Variants in CTNNA1 observed in about 807,000 individuals in gnomAD.
CTNNA1 encodes catenin alpha-1.
CTNNA1 carries 37 observed loss-of-function variants against 98.4 expected under a neutral mutation model. That is an observed-to-expected ratio of 0.38 (90% CI 0.29 to 0.49). The LOEUF (loss-of-function observed/expected upper bound fraction) is 0.49, where lower values mean the gene tolerates loss of function less well. Ranked by LOEUF, CTNNA1 falls within the 20% of genes least tolerant of loss-of-function variation. The probability of loss-of-function intolerance (pLI) is 0.95; values close to 1 mark genes in which losing one functional copy is unlikely to be tolerated. For missense variants in CTNNA1, 761 were observed against 1,147.2 expected, an observed-to-expected ratio of 0.66 and a Z score of 4.86; for synonymous variants, 404 against 413.2, an observed-to-expected ratio of 0.98 and a Z score of 0.27.
chr5:138,791,615 C>CAAAAAAAAAAAAAAA (rs1181055311), intron 3 of CTNNA1, among the ~76,000 whole-genome samples: 1 of 40,306 alleles, frequency 2.5e-5, no homozygotes, highest in Non-Finnish European at 4.1e-5. Context: ...GACTCCGTCT[C>CAAAAAAAAAAAAAAA]AAAAAAAAAA....
chr5:138,841,340 A>G (rs1424263356), intron 7 of CTNNA1, among the ~76,000 whole-genome samples: 2 of 151,260 alleles, frequency 1.3e-5, no homozygotes, highest in African/African-American at 4.9e-5. Context: ...GCTGACTGCA[A>G]CTTCTGCCTC....
chr5:138,834,956 TG>T (rs1330387054), intron 7 of CTNNA1, among the ~76,000 whole-genome samples: 2 of 151,998 alleles, frequency 1.3e-5, no homozygotes, highest in African/African-American at 4.8e-5. Context: ...CAATTTTTTG[TG>T]GGCAGGGGGT....
chr5:138,927,710 TAA>T (rs1491068134), intron 13 of CTNNA1, among the ~76,000 whole-genome samples: 2 of 150,940 alleles, frequency 1.3e-5, no homozygotes, highest in Non-Finnish European at 2.9e-5. Context: ...GGCAGAGAGA[TAA>T]TGAATGAATG....
chr5:138,765,036 G>C (rs1752777653), intron 1 of CTNNA1, among the ~76,000 whole-genome samples: 1 of 151,632 alleles, frequency 6.6e-6, no homozygotes, highest in Non-Finnish European at 1.5e-5. Context: ...ACCATGCCCA[G>C]CTTGTTTTCT....
At chr5:138,855,750 T>C (rs79314820) in intron 7 of CTNNA1, among the ~76,000 whole-genome samples, 1,776 of 152,332 alleles carry the variant, frequency 0.012, 29 homozygotes, top group African/African-American at 0.041. Context: ...GTAGGTACTT[T>C]CCATTTGGGT....
At chr5:138,811,023 C>T (rs1412447889) in intron 4 of CTNNA1, among the ~76,000 whole-genome samples, 1 of 151,928 alleles carries the variant, frequency 6.6e-6, no homozygotes, top group East Asian at 2.0e-4. Context: ...GGGGCTGACC[C>T]CCACCTCCCT....
intron 7 of CTNNA1, among the ~76,000 whole-genome samples, chr5:138,885,164 A>G (rs887522889): frequency 2.0e-5 from 3 of 152,162 alleles, no homozygotes; most frequent in Non-Finnish European, 4.4e-5. Flanking sequence ...GTGAATAACA[A>G]ATGTACATTA....
At chr5:138,754,136 C>T (rs908995871) in intron 1 of CTNNA1, 13 of 152,370 alleles carry the variant, frequency 8.5e-5, no homozygotes, top group African/African-American at 3.1e-4. Context: ...CGTGACCGTC[C>T]ACTTGGACTC....
chr5:138,785,473 C>T (rs910561129), intron 3 of CTNNA1, among the ~76,000 whole-genome samples: 2 of 152,148 alleles, frequency 1.3e-5, no homozygotes, highest in Non-Finnish European at 2.9e-5. Flanking sequence ...CCTCCCCAGC[C>T]CTTCTTGTCT....
intron 1 of CTNNA1, among the ~76,000 whole-genome samples, chr5:138,768,533 T>C (rs1056347778): frequency 2.0e-5 from 3 of 150,930 alleles, no homozygotes; most frequent in African/African-American, 7.3e-5. Flanking sequence ...AGTGCTGGGA[T>C]TACAGGCATG....
At chr5:138,826,420 A>T (rs1267332048) in intron 6 of CTNNA1, among the ~76,000 whole-genome samples, 1 of 152,224 alleles carries the variant, frequency 6.6e-6, no homozygotes, top group Non-Finnish European at 1.5e-5. Flanking sequence ...GAGGGAGGCC[A>T]GTAGCTGCTG....
At chr5:138,847,665 G>A (rs1170002144) in intron 7 of CTNNA1, among the ~76,000 whole-genome samples, 2 of 152,138 alleles carry the variant, frequency 1.3e-5, no homozygotes, top group East Asian at 1.9e-4. Flanking sequence ...CCTTAGATCA[G>A]TGTGGGCAGT....
chr5:138,810,147 G>C lies in CTNNA1; in HGVS notation c.411G>C (p.Arg137=). 2 of 1,614,148 alleles carry C rather than the reference G, an allele frequency of 1.2e-6. No homozygotes were observed. Among genetic ancestry groups the C allele is most frequent in the Non-Finnish European group, 1.7e-6 (2 of 1,180,016 alleles). ...AARALLSAVT[R]LLILADMADV... ...GAGCTTTGCTCTCTGCTGTTACCCGGTTGCTGATTTTGGCTGACATGGCAG... is the reference window on the plus strand; with the variant it reads ...GAGCTTTGCTCTCTGCTGTTACCCGCTTGCTGATTTTGGCTGACATGGCAG... The change falls in exon 4 of 18, where the codon CGG becomes CGC. Residue 137 remains arginine (R), a synonymous_variant. Coordinates refer to ENST00000302763, the MANE Select transcript of CTNNA1 (RefSeq NM_001903.5).
intron 1 of CTNNA1, among the ~76,000 whole-genome samples, chr5:138,776,931 G>C (rs537840091): frequency 0.014 from 1,830 of 135,540 alleles, 85 homozygotes; most frequent in African/African-American, 0.052. Flanking sequence ...CGGACGGGGC[G>C]GCTGGCCGGG....
chr5:138,823,028 GT>G (rs2149769818), intron 5 of CTNNA1, among the ~76,000 whole-genome samples: 1 of 152,246 alleles, frequency 6.6e-6, no homozygotes, highest in East Asian at 1.9e-4. Context: ...TACTCAAAAT[GT>G]TTAAATTTAT....
intron 7 of CTNNA1, among the ~76,000 whole-genome samples, chr5:138,865,850 T>G (rs1386377366): frequency 1.3e-5 from 2 of 152,244 alleles, no homozygotes; most frequent in Admixed American, 1.3e-4. Context: ...CTTGACTGTA[T>G]AGAAGTAGGT....
intron 1 of CTNNA1, among the ~76,000 whole-genome samples, chr5:138,768,979 A>G (rs974104572): frequency 3.9e-5 from 6 of 152,146 alleles, no homozygotes; most frequent in African/African-American, 1.4e-4. Context: ...TCAGTCATTG[A>G]TGAATGAATG....
chr5:138,904,531 T>G, intron 10 of CTNNA1, 90 bp downstream of exon 10: 1 of 1,495,690 alleles, frequency 6.7e-7, no homozygotes, highest in East Asian at 2.3e-5. Context: ...TTTTGTTTTG[T>G]TTTTAGGATT....
chr5:138,815,882 G>T (rs1364583099), intron 5 of CTNNA1, among the ~76,000 whole-genome samples: 1 of 152,104 alleles, frequency 6.6e-6, no homozygotes, highest in Non-Finnish European at 1.5e-5. Context: ...CTTGGGCCTT[G>T]GTGTATATTC....
Sources: allele counts gnomAD v4.1 joint callset (sites outside exome capture counted in the v4.1 genomes callset), GRCh38; gene constraint gnomAD v4.1.1; transcripts MANE v1.5; gene names NCBI Gene and HGNC (gene_info 2026-07-23, HGNC 2026-07-21).